Variants in RBFOX2 observed in about 807,000 individuals in gnomAD.
RBFOX2 encodes RNA binding fox-1 homolog 2.
In RBFOX2, 10 loss-of-function variants were observed where a neutral mutation model predicts 49.1. That is an observed-to-expected ratio of 0.20 (90% CI 0.13 to 0.35). The LOEUF is 0.35. Ranked by LOEUF, RBFOX2 falls within the 10% of genes least tolerant of loss-of-function variation. The pLI is 1.00. For synonymous variants in RBFOX2, 183 were observed against 187.4 expected (o/e 0.98, Z 0.19); for missense variants, 323 against 486.9 (o/e 0.66, Z 3.17).
intron 2 of RBFOX2, among the ~76,000 whole-genome samples, chr22:35,784,598 A>G (rs1945974732): frequency 6.6e-6 from 1 of 152,262 alleles, no homozygotes; most frequent in Non-Finnish European, 1.5e-5. Context: ...CAAGGGCTGC[A>G]TGGGCATCCT....
At chr22:35,781,550 T>C (rs1945147510) in intron 3 of RBFOX2, 50 bp downstream of exon 4, 1 of 1,588,816 alleles carries the variant, frequency 6.3e-7, no homozygotes, top group East Asian at 2.2e-5. Flanking sequence ...ATCTGGGGGA[T>C]TAAAATCTAC....
At position 35,944,954 on chromosome 22, in the gene RBFOX2, C is replaced by G. The variant is rs953571836; in HGVS notation, c.43-6057G>C. Among the ~76,000 whole-genome samples the G allele has an allele frequency of 2.0e-5, 3 of 151,824 alleles. No individual in the cohort carries two copies. In the East Asian group the frequency reaches 5.8e-4, roughly 29 times the overall value. On this transcript the variant is annotated intron_variant, in intron 1 of 5. Coordinates refer to the RBFOX2 transcript ENST00000408983. ...TAGCCAGTCTCAAGAAAAACAACAA[C>G]GACAACAAAAAAACAAATCCACAAA...
chr22:35,834,735 C>T (rs1214563140), intron 1 of RBFOX2, among the ~76,000 whole-genome samples: 1 of 151,940 alleles, frequency 6.6e-6, no homozygotes, highest in African/African-American at 2.4e-5. Flanking sequence ...GCAAAGAGGC[C>T]AGTGTCATTA....
At chr22:35,865,917 TA>T (rs2043627664) in intron 1 of RBFOX2, among the ~76,000 whole-genome samples, 1 of 152,056 alleles carries the variant, frequency 6.6e-6, no homozygotes, top group East Asian at 1.9e-4. Context: ...GGAAAAAAAT[TA>T]AAATTGTTAA....
intron 1 of RBFOX2, among the ~76,000 whole-genome samples, chr22:35,859,378 C>T (rs1473849684): frequency 1.3e-5 from 2 of 152,128 alleles, no homozygotes; most frequent in East Asian, 3.8e-4. Context: ...GAAAGGCAGG[C>T]AGGTCAGCAT....
intron 6 of RBFOX2, among the ~76,000 whole-genome samples, chr22:35,763,996 TCTC>T (rs1939920097): frequency 6.6e-6 from 1 of 151,298 alleles, no homozygotes; most frequent in Non-Finnish European, 1.5e-5. Flanking sequence ...ATTCTTTGCC[TCTC>T]CTTTCTATTT....
chr22:35,874,818 C>T (rs568018828), intron 1 of RBFOX2, among the ~76,000 whole-genome samples: 2 of 152,210 alleles, frequency 1.3e-5, no homozygotes, highest in African/African-American at 4.8e-5. Flanking sequence ...GTTTGTGTCC[C>T]CCCAACTCCA....
intron 1 of RBFOX2, among the ~76,000 whole-genome samples, chr22:35,826,275 G>A (rs1244222693): frequency 6.8e-6 from 1 of 148,046 alleles, no homozygotes; most frequent in East Asian, 2.0e-4. Context: ...CTGGGAGGCG[G>A]AGGTTGCAGT....
At position 35,745,985 on chromosome 22, in the gene RBFOX2, C is replaced by T. The variant is rs764357200; in HGVS notation, c.987G>A (p.Gly329=). ...GCATGGTAGGGGTCGGCTGTGTACA[C>T]CCTGCCATAACTGGAAAGAAGAAAC... Residue 329 remains glycine (G), a synonymous_variant, in exon 11 of 12, where the codon GGG becomes GGA. Coordinates refer to ENST00000405409, the Ensembl canonical transcript of RBFOX2. 1.2e-6 allele frequency: 2 copies of T among 1,613,462 alleles called. No homozygotes were observed. Among genetic ancestry groups the T allele is most frequent in the South Asian group, 2.2e-5 (2 of 91,026 alleles).
intron 2 of RBFOX2, 140 bp downstream of exon 3, chr22:35,809,640 A>T: frequency 1.0e-6 from 1 of 956,438 alleles, no homozygotes. Context: ...AATGTATACA[A>T]TGCTGTTGAG....
chr22:35,947,672 T>TAAAAA (rs559788717), intron 1 of RBFOX2, among the ~76,000 whole-genome samples: 5 of 34,126 alleles, frequency 1.5e-4, no homozygotes, highest in African/African-American at 3.6e-4. Flanking sequence ...GTTTAAAAAG[T>TAAAAA]AAAAAAAAAA....
intron 1 of RBFOX2, among the ~76,000 whole-genome samples, chr22:35,865,567 AT>A (rs894422458): frequency 6.6e-6 from 1 of 150,924 alleles, no homozygotes; most frequent in Non-Finnish European, 1.5e-5. Context: ...CTTTATTATT[AT>A]TTTTTTTTGA....
Position 35,876,044 on chromosome 22 carries a change from A to C in RBFOX2, c.-34+62803T>G, listed in dbSNP as rs143156299. 6.8e-4 allele frequency among the ~76,000 whole-genome samples: 103 copies of C among 152,294 alleles called. 1 individual carries two copies. Among genetic ancestry groups the C allele is most frequent in the African/African-American group, 2.2e-3 (91 of 41,562 alleles). On this transcript the variant is annotated intron_variant, in intron 1 of 13. Coordinates refer to the RBFOX2 transcript ENST00000359369. Reference sequence around the variant, plus strand: ...ACTGAAAAAATGCAAATCACCGATAAACAAAGGTAGAAATCTGATACTTTT... The same window carrying C: ...ACTGAAAAAATGCAAATCACCGATACACAAAGGTAGAAATCTGATACTTTT...
rs745789605 is a variant in RBFOX2 at position 35,744,211 on chromosome 22, G to A, written c.1088C>T (p.Pro363Leu). 49 of 1,610,654 alleles carry A rather than the reference G, an allele frequency of 3.0e-5. 1 individual carries two copies. In the South Asian group the frequency reaches 4.7e-4, roughly 15 times the overall value. The change falls in exon 12 of 12, where the codon CCT becomes CTT. Residue 363 changes from proline to leucine, a missense_variant. Physicochemically the swap from Pro to Leu is moderately conservative, Grantham distance 98. Transcript: ENST00000405409. The stretch of plus-strand genomic sequence containing the variant: ...GCAGGGGTCTCACGTCACTTCAGTA[G>A]GGGGCAAATCGGCTGTAGCCACCTC...
intron 1 of RBFOX2, among the ~76,000 whole-genome samples, chr22:35,958,277 A>G (rs1392822030): frequency 6.6e-6 from 1 of 152,192 alleles, no homozygotes; most frequent in African/African-American, 2.4e-5. Context: ...CTGGGCCTCA[A>G]TTTTATTTTC....
chr22:35,872,262 T>C (rs569341738), intron 1 of RBFOX2, among the ~76,000 whole-genome samples: 13 of 152,268 alleles, frequency 8.5e-5, no homozygotes, highest in Non-Finnish European at 8.8e-5. Context: ...GGGGAGTATA[T>C]AGACGGGCAG....
At chr22:35,955,456 C>T (rs1430490305) in intron 1 of RBFOX2, among the ~76,000 whole-genome samples, 1 of 147,964 alleles carries the variant, frequency 6.8e-6, no homozygotes. Context: ...TACATTTCTA[C>T]AAATATTTTT....
chr22:35,757,986 T>G (rs1937507826), intron 9 of RBFOX2, among the ~76,000 whole-genome samples: 1 of 152,198 alleles, frequency 6.6e-6, no homozygotes, highest in African/African-American at 2.4e-5. Flanking sequence ...AATAACTTAT[T>G]GGGAATATTC....
chr22:35,926,190 C>G (rs2051615870), intron 1 of RBFOX2, among the ~76,000 whole-genome samples: 1 of 152,132 alleles, frequency 6.6e-6, no homozygotes, highest in Non-Finnish European at 1.5e-5. Flanking sequence ...ATAAATATGT[C>G]AAGCTTCTTA....
Sources: allele counts gnomAD v4.1 joint callset (sites outside exome capture counted in the v4.1 genomes callset), GRCh38; gene constraint gnomAD v4.1.1; transcripts MANE v1.5; gene names NCBI Gene and HGNC (gene_info 2026-07-23, HGNC 2026-07-21).